Variants in IRAK3 observed in about 807,000 individuals in gnomAD.
The protein encoded by IRAK3 is interleukin-1 receptor-associated kinase 3.
IRAK3 carries 57 observed loss-of-function variants against 56.6 expected under a neutral mutation model. That is an observed-to-expected ratio of 1.01 (90% CI 0.81 to 1.26). The LOEUF (loss-of-function observed/expected upper bound fraction) is 1.26. IRAK3 is among the 50% of genes most tolerant of loss of function. IRAK3 has a pLI of 0.00. For missense variants in IRAK3, 703 were observed against 719.0 expected (o/e 0.98, Z 0.25); for synonymous variants, 258 against 255.7 (o/e 1.01, Z -0.09).
chr12:66,252,112 G>A lies in IRAK3; in HGVS notation c.*3941G>A, dbSNP rs1019324191. On this transcript the variant is annotated 3_prime_UTR_variant, in exon 12 of 12. Transcript: ENST00000261233. ...ACCATCCCTAATGCCAGAAAAATGG[G>A]GTAAGGGTGAAGGGAACTGGGTCTA... The A allele has an allele frequency of 3.9e-5, 6 of 152,186 alleles. No homozygotes were observed. The highest frequency in any genetic ancestry group is 7.3e-5 in the Non-Finnish European group (5 of 68,060). 9.4% of individuals were successfully genotyped at this position (152,186 alleles called of 1,614,324 possible). A position where few individuals can be genotyped will look rare whatever the true frequency, so the allele number is the denominator to read the frequency against.
chr12:66,194,971 A>G (rs1401965512), intron 1 of IRAK3, among the ~76,000 whole-genome samples: 1 of 152,086 alleles, frequency 6.6e-6, no homozygotes, highest in African/African-American at 2.4e-5. Context: ...TTCAATCTAT[A>G]TACTACTCCC....
chr12:66,190,553 G>C (rs1237557301), intron 1 of IRAK3, among the ~76,000 whole-genome samples: 3 of 152,228 alleles, frequency 2.0e-5, no homozygotes, highest in African/African-American at 7.2e-5. Flanking sequence ...AGAAAGAAAA[G>C]TGTTTTTAGT....
intron 1 of IRAK3, among the ~76,000 whole-genome samples, chr12:66,200,690 A>T (rs1592576918): frequency 6.6e-6 from 1 of 152,212 alleles, no homozygotes; most frequent in East Asian, 1.9e-4. Flanking sequence ...AAAATTGGGC[A>T]TGGGGGGGAT....
Position 66,248,165 on chromosome 12 carries a change from A to G in IRAK3, c.1785A>G (p.Lys595=). ...FSWDEYEQYK[K]E ...GGGATGAATATGAACAGTACAAAAA[A>G]GAATAAATTCTACCAGAAGATAAAG... Residue 595 remains lysine (K), a synonymous_variant, in exon 12 of 12, where the codon AAA becomes AAG. Transcript: ENST00000261233. 1 of 1,611,056 alleles carries G rather than the reference A, an allele frequency of 6.2e-7. No individual in the cohort carries two copies. The highest frequency in any genetic ancestry group is 8.5e-7 in the Non-Finnish European group (1 of 1,177,368).
chr12:66,246,289 C>T (rs970513101), intron 11 of IRAK3, among the ~76,000 whole-genome samples: 1 of 152,086 alleles, frequency 6.6e-6, no homozygotes, highest in South Asian at 2.1e-4. Context: ...GGTGCTAAGA[C>T]CACAGATAAT....
In IRAK3 at chr12:66,203,875, C is replaced by A. The variant is rs747552971; in HGVS notation, c.298C>A (p.His100Asn). Residue 100 changes from histidine (H) to asparagine (N), a missense_variant, in exon 2 of 12, where the codon CAT becomes AAT. His to Asn is a moderately conservative substitution (Grantham distance 68). Transcript: ENST00000261233. ...GGAGATGGGACATCGTCGAGCTATTCATTTAATTACAAACTATGGTAAATG... is the reference window on the plus strand; with the variant it reads ...GGAGATGGGACATCGTCGAGCTATTAATTTAATTACAAACTATGGTAAATG... ...LQEMGHRRAI[H>N]LITNYGAVLS... The A allele has an allele frequency of 1.2e-6, 2 of 1,613,356 alleles. No homozygotes were observed. Among genetic ancestry groups the A allele is most frequent in the East Asian group, 4.5e-5 (2 of 44,860 alleles).
At position 66,248,226 on chromosome 12, in the gene IRAK3, G is replaced by T; in HGVS notation, c.*55G>T. On this transcript the variant is annotated 3_prime_UTR_variant, in exon 12 of 12. Transcript: ENST00000261233. Reference sequence around the variant, plus strand: ...GTATTGCATAGGCACCTGAGCATAGGTATGACCTTGGGAAGACATTGGCTC... The same window carrying T: ...GTATTGCATAGGCACCTGAGCATAGTTATGACCTTGGGAAGACATTGGCTC... The T allele has an allele frequency of 7.7e-7, 1 of 1,293,114 alleles. No homozygotes were observed. The highest frequency in any genetic ancestry group is 1.2e-5 in the South Asian group (1 of 83,104). 80.1% of individuals were successfully genotyped at this position (1,293,114 alleles called of 1,614,324 possible).
At chr12:66,225,936 C>T (rs2052781005) in intron 6 of IRAK3, among the ~76,000 whole-genome samples, 1 of 152,160 alleles carries the variant, frequency 6.6e-6, no homozygotes, top group Non-Finnish European at 1.5e-5. Context: ...CATAGTAGTG[C>T]TCAATAAGTG....
At chr12:66,206,759 A>G (rs1592580896) in intron 2 of IRAK3, among the ~76,000 whole-genome samples, 1 of 152,330 alleles carries the variant, frequency 6.6e-6, no homozygotes, top group South Asian at 2.1e-4. Context: ...ATCTTTTTCT[A>G]TTCTGGAAGA....
intron 8 of IRAK3, chr12:66,235,310 C>CGCGGGT: frequency 8.1e-7 from 1 of 1,237,044 alleles, no homozygotes. Context: ...CGGCGGCGGG[C>CGCGGGT]GCGGGCGCGG....
rs147741538 is a variant in IRAK3 at position 66,225,287 on chromosome 12, T to C, written c.654-1436T>C. Among the ~76,000 whole-genome samples the C allele has an allele frequency of 2.3e-3, 351 of 152,174 alleles. 1 individual carries two copies. Among genetic ancestry groups the C allele is most frequent in the African/African-American group, 8.2e-3 (339 of 41,522 alleles). ...TCCACTGCTTTTCATTTCATAGATATAGTTGGAATCATAATAGGTGTAGGG... is the reference window on the plus strand; with the variant it reads ...TCCACTGCTTTTCATTTCATAGATACAGTTGGAATCATAATAGGTGTAGGG... On this transcript the variant is annotated intron_variant, in intron 6 of 11. Coordinates refer to ENST00000261233, the MANE Select transcript of IRAK3 (RefSeq NM_007199.3).
chr12:66,210,230 A>AT (rs1565802215), intron 4 of IRAK3, 29 bp downstream of exon 4: 5 of 1,369,718 alleles, frequency 3.7e-6, no homozygotes, highest in South Asian at 2.3e-5. Flanking sequence ...TTTTCCAACA[A>AT]TTTTTTTAAA....
chr12:66,193,437 C>T (rs180943042), intron 1 of IRAK3, among the ~76,000 whole-genome samples: 4 of 152,338 alleles, frequency 2.6e-5, no homozygotes, highest in African/African-American at 9.6e-5. Context: ...TAACATCTTG[C>T]ATGAGTGTGC....
intron 6 of IRAK3, among the ~76,000 whole-genome samples, chr12:66,220,434 T>C (rs1422468091): frequency 6.6e-6 from 1 of 151,524 alleles, no homozygotes; most frequent in African/African-American, 2.4e-5. Context: ...TTTATGCCGG[T>C]GCCATACTGT....
Position 66,226,793 on chromosome 12 carries a change from C to A in IRAK3, c.724C>A (p.Pro242Thr). 1 of 1,608,728 alleles carries A rather than the reference C, an allele frequency of 6.2e-7. No homozygotes were observed. Among genetic ancestry groups the A allele is most frequent in the South Asian group, 1.1e-5 (1 of 90,972 alleles). Residue 242 changes from proline (P) to threonine (T), a missense_variant, in exon 7 of 12, where the codon CCA becomes ACA. By Grantham distance (38) the Pro-to-Thr change is conservative. Transcript: ENST00000261233. ...TETEKFCLIY[P>T]YMRNGTLFDR... ...GACTGAGAAGTTCTGTCTGATTTAT[C>A]CATACATGAGAAATGGAACACTTTT...
At position 66,253,218 on chromosome 12, in the gene IRAK3, T is replaced by A. The variant is rs2053117884; in HGVS notation, c.*5047T>A. ...TAGTATTCAGAATATAATCAATCATTGCTTAAATTATTCCATTTCATCATT... is the reference window on the plus strand; with the variant it reads ...TAGTATTCAGAATATAATCAATCATAGCTTAAATTATTCCATTTCATCATT... On this transcript the variant is annotated 3_prime_UTR_variant, in exon 12 of 12. Transcript: ENST00000261233. 6.6e-6 allele frequency: 1 copy of A among 152,254 alleles called. No individual in the cohort carries two copies. Among genetic ancestry groups the A allele is most frequent in the African/African-American group, 2.4e-5 (1 of 41,470 alleles). 9.4% of individuals were successfully genotyped at this position (152,254 alleles called of 1,614,324 possible).
intron 5 of IRAK3, among the ~76,000 whole-genome samples, chr12:66,215,786 G>GCACGTGCACGTGCGCGCGCGCGCATA (rs368883846): frequency 8.1e-6 from 1 of 122,834 alleles, no homozygotes; most frequent in Non-Finnish European, 1.7e-5. Flanking sequence ...AACCCAACAT[G>GCACGTGCACGTGCGCGCGCGCGCATA]CACACACACA....
Position 66,252,972 on chromosome 12 carries a change from C to T in IRAK3, c.*4801C>T, listed in dbSNP as rs1258654311. 3 of 152,220 alleles carry T rather than the reference C, an allele frequency of 2.0e-5. No homozygotes were observed. The highest frequency in any genetic ancestry group is 7.2e-5 in the African/African-American group (3 of 41,450). 9.4% of individuals were successfully genotyped at this position (152,220 alleles called of 1,614,324 possible). A position where few individuals can be genotyped will look rare whatever the true frequency, so the allele number is the denominator to read the frequency against. On this transcript the variant is annotated 3_prime_UTR_variant, in exon 12 of 12. Transcript: ENST00000261233. ...AACCTCAGGTCACTATCACGTGATA[C>T]TGGAGTTGCCTGTTAAATTATATTT...
intron 8 of IRAK3, among the ~76,000 whole-genome samples, chr12:66,238,100 G>T (rs2052926620): frequency 6.6e-6 from 1 of 152,182 alleles, no homozygotes; most frequent in South Asian, 2.1e-4. Flanking sequence ...TATGGAGGAA[G>T]TGAATCTTAT....
Sources: allele counts gnomAD v4.1 joint callset (sites outside exome capture counted in the v4.1 genomes callset), GRCh38; gene constraint gnomAD v4.1.1; transcripts MANE v1.5; gene names NCBI Gene and HGNC (gene_info 2026-07-23, HGNC 2026-07-21).